Variants in TCF4 observed in about 807,000 individuals in gnomAD.
TCF4 encodes the protein transcription factor 4, also known as SL3-3 enhancer factor 2.
In TCF4, 3 loss-of-function variants were observed where a neutral mutation model predicts 82.1. The observed-to-expected ratio is 0.04, with a 90% CI of 0.02 to 0.09. The LOEUF (loss-of-function observed/expected upper bound fraction) is 0.09, where lower values mean the gene tolerates loss of function less well. Ranked by LOEUF, TCF4 falls within the 10% of genes least tolerant of loss-of-function variation. The pLI is 1.00. For missense variants in TCF4, 518 were observed against 852.7 expected (o/e 0.61, Z 4.89); for synonymous variants, 276 against 309.6 (o/e 0.89, Z 1.14).
intron 11 of TCF4, chr18:55,266,627 T>A (rs1454032074): frequency 6.6e-6 from 1 of 152,082 alleles, no homozygotes; most frequent in Non-Finnish European, 1.5e-5. Flanking sequence ...TCTACAATTC[T>A]CTTGAAAATC....
chr18:55,364,181 G>C (rs2086226187), intron 6 of TCF4, among the ~76,000 whole-genome samples: 1 of 152,150 alleles, frequency 6.6e-6, no homozygotes, highest in Admixed American at 6.5e-5. Context: ...TTCTGACTTA[G>C]AAGTTTCAAG....
chr18:55,585,988 G>A, intron 2 of TCF4: 1 of 1,332,918 alleles, frequency 7.5e-7, no homozygotes, highest in South Asian at 1.5e-5. Context: ...CTGAGTCAGA[G>A]CCTGCAAAAA....
intron 3 of TCF4, among the ~76,000 whole-genome samples, chr18:55,473,622 T>C (rs1431859924): frequency 1.3e-5 from 2 of 152,216 alleles, no homozygotes; most frequent in East Asian, 3.8e-4. Context: ...AAATGATCAA[T>C]CTTGCATGTT....
chr18:55,317,571 A>AATGTT (rs2074465414), intron 8 of TCF4, among the ~76,000 whole-genome samples: 1 of 152,040 alleles, frequency 6.6e-6, no homozygotes, highest in Non-Finnish European at 1.5e-5. Flanking sequence ...TGTACTGAAA[A>AATGTT]ATGTTATTAG....
At position 55,555,215 on chromosome 18, in the gene TCF4, A is replaced by T. The variant is rs183262201; in HGVS notation, c.145+30065T>A. Among the ~76,000 whole-genome samples the T allele has an allele frequency of 2.6e-5, 4 of 152,320 alleles. No individual in the cohort carries two copies. In the East Asian group the frequency reaches 7.7e-4, roughly 29 times the overall value. On this transcript the variant is annotated intron_variant, in intron 3 of 19. Transcript: ENST00000354452. ...ATAATTTGTCACAGCTAGACACTCA[A>T]CTCACAAAATGCAACCTGTAAAAAT...
intron 5 of TCF4, among the ~76,000 whole-genome samples, chr18:55,458,530 GT>G (rs971178481): frequency 6.6e-6 from 1 of 152,084 alleles, no homozygotes; most frequent in Non-Finnish European, 1.5e-5. Context: ...ATTAATTGTC[GT>G]TAATTTCTTG....
chr18:55,629,551 T>TA (rs1322077375), intron 2 of TCF4, among the ~76,000 whole-genome samples: 1 of 152,168 alleles, frequency 6.6e-6, no homozygotes, highest in African/African-American at 2.4e-5. Context: ...TTCATAAAAA[T>TA]GGCAAAGATA....
intron 3 of TCF4, among the ~76,000 whole-genome samples, chr18:55,480,775 T>C (rs1273455461): frequency 6.6e-6 from 1 of 152,194 alleles, no homozygotes; most frequent in Non-Finnish European, 1.5e-5. Flanking sequence ...CAAGGATTGA[T>C]TTTACTTTGT....
chr18:55,300,700 T>C (rs1257575226), intron 8 of TCF4, among the ~76,000 whole-genome samples: 1 of 152,094 alleles, frequency 6.6e-6, no homozygotes, highest in African/African-American at 2.4e-5. Context: ...GAAAAGCACA[T>C]GCAAACAGCA....
intron 8 of TCF4, among the ~76,000 whole-genome samples, chr18:55,285,636 A>G (rs991860734): frequency 6.6e-6 from 1 of 152,206 alleles, no homozygotes; most frequent in South Asian, 2.1e-4. Context: ...GAACATCACC[A>G]ACACAGGACT....
chr18:55,540,387 C>T (rs777503154), intron 3 of TCF4, among the ~76,000 whole-genome samples: 30 of 151,910 alleles, frequency 2.0e-4, no homozygotes, highest in Non-Finnish European at 4.0e-4. Context: ...CACTATCTGC[C>T]CAAAACAAAT....
chr18:55,426,489 C>T (rs755721452), intron 5 of TCF4, among the ~76,000 whole-genome samples: 1 of 152,222 alleles, frequency 6.6e-6, no homozygotes, highest in Non-Finnish European at 1.5e-5. Flanking sequence ...CTGCATTCTA[C>T]ATTTGTATTT....
chr18:55,517,004 G>A (rs188072965), intron 3 of TCF4, among the ~76,000 whole-genome samples: 1 of 152,312 alleles, frequency 6.6e-6, no homozygotes, highest in Non-Finnish European at 1.5e-5. Context: ...CCAGTTAGCA[G>A]ACTATTACCA....
intron 3 of TCF4, among the ~76,000 whole-genome samples, chr18:55,475,426 C>T (rs2096270620): frequency 6.6e-6 from 1 of 152,194 alleles, no homozygotes; most frequent in Admixed American, 6.5e-5. Context: ...CCCTCATGTG[C>T]TATGCCAATT....
intron 6 of TCF4, among the ~76,000 whole-genome samples, chr18:55,369,447 C>T (rs2088268334): frequency 6.6e-6 from 1 of 152,222 alleles, no homozygotes; most frequent in Non-Finnish European, 1.5e-5. Flanking sequence ...GACAAGGCTA[C>T]AAATGTGTCC....
At chr18:55,536,868 C>T (rs910974260) in intron 3 of TCF4, among the ~76,000 whole-genome samples, 1 of 152,184 alleles carries the variant, frequency 6.6e-6, no homozygotes, top group Non-Finnish European at 1.5e-5. Flanking sequence ...GGTGTGGTGG[C>T]TCACGCCTGT....
At chr18:55,368,303 C>A (rs529401814) in intron 6 of TCF4, among the ~76,000 whole-genome samples, 7 of 152,266 alleles carry the variant, frequency 4.6e-5, no homozygotes, top group Admixed American at 6.5e-5. Context: ...ATCACTTGAA[C>A]CCAGGAGGCG....
intron 2 of TCF4, among the ~76,000 whole-genome samples, chr18:55,599,868 T>C (rs923284013): frequency 4.6e-5 from 7 of 152,202 alleles, no homozygotes; most frequent in Non-Finnish European, 1.0e-4. Context: ...GCTTCCTCCT[T>C]CTGCTTCATA....
chr18:55,311,960 C>T (rs1246520239), intron 8 of TCF4, among the ~76,000 whole-genome samples: 2 of 152,164 alleles, frequency 1.3e-5, no homozygotes, highest in Non-Finnish European at 2.9e-5. Context: ...ATACATTCAT[C>T]ATCATAAAAC....
Sources: allele counts gnomAD v4.1 joint callset (sites outside exome capture counted in the v4.1 genomes callset), GRCh38; gene constraint gnomAD v4.1.1; transcripts MANE v1.5; gene names NCBI Gene and HGNC (gene_info 2026-07-23, HGNC 2026-07-21).